The following SUPT3H variants were observed in gnomAD, a reference collection of about 807,000 sequenced individuals.
SUPT3H encodes the protein transcription initiation protein SPT3 homolog.
Under a neutral mutation model 44.3 loss-of-function variants are expected in SUPT3H, and 44 were observed. The ratio of observed to expected loss-of-function variants is 0.99; its 90% confidence interval spans 0.78 to 1.28. SUPT3H has a LOEUF of 1.28. Ranked by LOEUF, SUPT3H falls within the 50% of genes most tolerant of loss-of-function variation. SUPT3H has a pLI of 0.00. For missense variants in SUPT3H, 380 were observed against 387.1 expected (o/e 0.98, Z 0.15); for synonymous variants, 124 against 125.6 (o/e 0.99, Z 0.09).
intron 2 of SUPT3H, among the ~76,000 whole-genome samples, chr6:45,334,457 A>C (rs1562971023): frequency 6.6e-6 from 1 of 150,412 alleles, no homozygotes; most frequent in Non-Finnish European, 1.5e-5. Context: ...AGCAAAAAAA[A>C]AAAAAAAAAA....
intron 8 of SUPT3H, 96 bp from the exon 9 acceptor site, chr6:44,953,513 G>T: frequency 2.2e-6 from 2 of 928,174 alleles, no homozygotes; most frequent in South Asian, 1.5e-5. Context: ...GAATGTTACT[G>T]ATAATCCTGC....
chr6:45,168,415 G>C (rs1810258160), intron 2 of SUPT3H, among the ~76,000 whole-genome samples: 1 of 152,098 alleles, frequency 6.6e-6, no homozygotes, highest in South Asian at 2.1e-4. Context: ...ATTTCCTTGA[G>C]TGTCACATTG....
chr6:44,927,532 A>C (rs547377303), intron 10 of SUPT3H, among the ~76,000 whole-genome samples: 7 of 152,310 alleles, frequency 4.6e-5, no homozygotes, highest in African/African-American at 1.7e-4. Flanking sequence ...AAATTGAAGA[A>C]ACTTTATAAA....
intron 10 of SUPT3H, among the ~76,000 whole-genome samples, chr6:44,885,075 C>G (rs1778933223): frequency 6.6e-6 from 1 of 151,632 alleles, no homozygotes; most frequent in Non-Finnish European, 1.5e-5. Context: ...GGGCACCCGC[C>G]ATTGCCCAGG....
chr6:45,235,661 A>G (rs1369357792), intron 2 of SUPT3H, among the ~76,000 whole-genome samples: 1 of 152,148 alleles, frequency 6.6e-6, no homozygotes, highest in Non-Finnish European at 1.5e-5. Context: ...TTGGGTTTCT[A>G]CTGGACAAGA....
intron 2 of SUPT3H, among the ~76,000 whole-genome samples, chr6:45,185,126 C>A (rs1389602478): frequency 1.3e-5 from 2 of 152,140 alleles, no homozygotes; most frequent in African/African-American, 4.8e-5. Context: ...CTCTGTGGAT[C>A]GCATTCCTCC....
intron 2 of SUPT3H, among the ~76,000 whole-genome samples, chr6:45,219,387 T>C (rs1765621456): frequency 6.6e-6 from 1 of 151,236 alleles, no homozygotes; most frequent in South Asian, 2.1e-4. Context: ...ACGCCAGGAA[T>C]GAAAAACTAA....
At chr6:44,963,791 A>C (rs1305141945) in intron 6 of SUPT3H, among the ~76,000 whole-genome samples, 1 of 152,072 alleles carries the variant, frequency 6.6e-6, no homozygotes, top group Non-Finnish European at 1.5e-5. Context: ...TGAGGTCAGG[A>C]GATTGAGACC....
At chr6:45,027,382 A>T (rs1165489205) in intron 3 of SUPT3H, among the ~76,000 whole-genome samples, 1 of 152,130 alleles carries the variant, frequency 6.6e-6, no homozygotes, top group Non-Finnish European at 1.5e-5. Flanking sequence ...TATTATCTGA[A>T]AGTTTCCTTT....
intron 4 of SUPT3H, among the ~76,000 whole-genome samples, chr6:45,019,734 C>G (rs1035899954): frequency 6.6e-6 from 1 of 151,968 alleles, no homozygotes; most frequent in Non-Finnish European, 1.5e-5. Context: ...GAAACTTTCA[C>G]TTTAAAAAAT....
At chr6:45,202,325 G>T (rs547245123) in intron 2 of SUPT3H, among the ~76,000 whole-genome samples, 1 of 151,538 alleles carries the variant, frequency 6.6e-6, no homozygotes, top group South Asian at 2.1e-4. Context: ...TTATGAAACG[G>T]TTTAAAAAAA....
chr6:45,240,537 T>C (rs1770101067), intron 2 of SUPT3H, among the ~76,000 whole-genome samples: 1 of 152,226 alleles, frequency 6.6e-6, no homozygotes, highest in African/African-American at 2.4e-5. Context: ...GTAAACAGAA[T>C]TGGACCTGGC....
intron 2 of SUPT3H, among the ~76,000 whole-genome samples, chr6:45,225,802 C>T (rs1766837878): frequency 6.6e-6 from 1 of 152,064 alleles, no homozygotes; most frequent in African/African-American, 2.4e-5. Context: ...CTTTTATACC[C>T]ACAGATCAAG....
intron 3 of SUPT3H, among the ~76,000 whole-genome samples, chr6:45,050,927 C>G (rs1790192460): frequency 7.0e-6 from 1 of 142,656 alleles, no homozygotes; most frequent in Non-Finnish European, 1.5e-5. Context: ...CTCTGTAGCC[C>G]AGGCTGGAGT....
At chr6:45,080,387 T>C (rs1010490181) in intron 3 of SUPT3H, among the ~76,000 whole-genome samples, 1 of 152,090 alleles carries the variant, frequency 6.6e-6, no homozygotes, top group African/African-American at 2.4e-5. Flanking sequence ...TGGAGGTTCC[T>C]CAGAAATCTA....
chr6:45,188,415 G>C (rs1814602148), intron 2 of SUPT3H, among the ~76,000 whole-genome samples: 1 of 152,192 alleles, frequency 6.6e-6, no homozygotes, highest in Non-Finnish European at 1.5e-5. Context: ...CACAATGCAT[G>C]ATAAGTGCTT....
At chr6:45,217,242 C>T (rs893653723) in intron 2 of SUPT3H, among the ~76,000 whole-genome samples, 10 of 152,024 alleles carry the variant, frequency 6.6e-5, no homozygotes, top group Non-Finnish European at 1.2e-4. Context: ...TTTGGGAGGC[C>T]GAGGCAGGTG....
intron 10 of SUPT3H, among the ~76,000 whole-genome samples, chr6:44,895,948 C>G (rs1279601973): frequency 6.6e-6 from 1 of 151,892 alleles, no homozygotes; most frequent in Non-Finnish European, 1.5e-5. Flanking sequence ...CTTCTACCTT[C>G]CTAGGTAGTG....
intron 6 of SUPT3H, among the ~76,000 whole-genome samples, chr6:44,969,059 T>C (rs190868213): frequency 6.6e-6 from 1 of 152,250 alleles, no homozygotes; most frequent in Non-Finnish European, 1.5e-5. Context: ...CTTGCGTAGG[T>C]CCCACCTCCT....
Sources: allele counts gnomAD v4.1 joint callset (sites outside exome capture counted in the v4.1 genomes callset), GRCh38; gene constraint gnomAD v4.1.1; transcripts MANE v1.5; gene names NCBI Gene and HGNC (gene_info 2026-07-23, HGNC 2026-07-21).